Variants in CACNA1H observed in about 807,000 individuals in gnomAD.
The protein encoded by CACNA1H is voltage-dependent T-type calcium channel subunit alpha-1H.
Under a neutral mutation model 192.5 loss-of-function variants are expected in CACNA1H, and 149 were observed. The observed-to-expected ratio is 0.77, with a 90% CI of 0.68 to 0.89. The LOEUF is 0.89. Ranked by LOEUF, CACNA1H falls within the 40% of genes least tolerant of loss-of-function variation. The pLI is 0.00. For missense variants in CACNA1H, 4,257 were observed against 3,423.5 expected, an observed-to-expected ratio of 1.24 and a Z score of -6.08; for synonymous variants, 2,202 against 1,475.2, an observed-to-expected ratio of 1.49 and a Z score of -11.29.
intron 5 of CACNA1H, 110 bp downstream of exon 5, chr16:1,196,133 A>T: frequency 1.2e-6 from 1 of 858,470 alleles, no homozygotes; most frequent in Admixed American, 2.3e-5. Context: ...AATGAAGGTT[A>T]CCAGGCACTC....
At chr16:1,184,136 G>A (rs2151769648) in intron 2 of CACNA1H, among the ~76,000 whole-genome samples, 1 of 152,304 alleles carries the variant, frequency 6.6e-6, no homozygotes, top group South Asian at 2.1e-4. Flanking sequence ...TAGACCCCAG[G>A]GCATCACTCC....
chr16:1,209,062 TG>T lies in CACNA1H; in HGVS notation c.3398del (p.Gly1133AlafsTer211). ...ASLRSSPCAP[W>X]GPSGAWSSRR... Reference sequence around the variant, plus strand: ...CCTCCGAAGTTCTCCCTGTGCCCCCTGGGGCCCCAGTGGCGCCTGGAGCAGC... The same window carrying T: ...CCTCCGAAGTTCTCCCTGTGCCCCCTGGGCCCCAGTGGCGCCTGGAGCAGC... On this transcript the variant is annotated frameshift_variant, in exon 17 of 35. Coordinates refer to ENST00000348261, the MANE Select transcript of CACNA1H (RefSeq NM_021098.3). LOFTEE classifies it high-confidence loss of function. 6.5e-7 allele frequency: 1 copy of T among 1,538,122 alleles called. No individual in the cohort carries two copies.
At chr16:1,219,296 G>T (rs1970292195) in intron 34 of CACNA1H, among the ~76,000 whole-genome samples, 166 bp downstream of exon 34, 1 of 152,202 alleles carries the variant, frequency 6.6e-6, no homozygotes, top group South Asian at 2.1e-4. Flanking sequence ...GGATCTTGGA[G>T]CATTGGGCCC....
chr16:1,155,343 G>C (rs1034940205), intron 2 of CACNA1H, among the ~76,000 whole-genome samples: 1 of 152,190 alleles, frequency 6.6e-6, no homozygotes, highest in African/African-American at 2.4e-5. Context: ...GGGTGTCCCC[G>C]GGAGCCGAGG....
intron 26 of CACNA1H, 102 bp downstream of exon 26, chr16:1,212,630 C>T (rs1969594302): frequency 1.4e-6 from 2 of 1,415,576 alleles, no homozygotes. Flanking sequence ...AGGGTGGGCA[C>T]AGGCAGCCGG....
intron 2 of CACNA1H, among the ~76,000 whole-genome samples, chr16:1,159,329 G>A (rs905455265): frequency 1.3e-5 from 2 of 152,116 alleles, no homozygotes; most frequent in African/African-American, 2.4e-5. Context: ...GGGAGGAGGC[G>A]TTCGGACTGA....
chr16:1,220,623 T>G lies in CACNA1H; in HGVS notation c.6691T>G (p.Ser2231Ala), dbSNP rs1970408907. ...CTGTGAGGCCACGCCTCACAGGGAC[T>G]CCCTGGAGCCCACAGAGGGCTCAGG... ...PSCEATPHRD[S>A]LEPTEGSGAG... is the part of the protein sequence containing the mutation. The change falls in exon 35 of 35, where the codon TCC (serine) becomes GCC (alanine). Residue 2231 changes from serine to alanine, a missense_variant. Physicochemically the swap from Ser to Ala is moderately conservative, Grantham distance 99. Transcript: ENST00000348261. The G allele has an allele frequency of 6.3e-7, 1 of 1,585,282 alleles. No homozygotes were observed.
At chr16:1,171,520 A>G (rs1273552007) in intron 2 of CACNA1H, among the ~76,000 whole-genome samples, 1 of 152,136 alleles carries the variant, frequency 6.6e-6, no homozygotes, top group African/African-American at 2.4e-5. Flanking sequence ...TCGAATGGAG[A>G]TGGGGGTCAG....
chr16:1,200,955 TG>T, intron 8 of CACNA1H, 147 bp downstream of exon 8: 1 of 413,668 alleles, frequency 2.4e-6, no homozygotes, highest in Non-Finnish European at 4.3e-6. Flanking sequence ...CTTGCGGGGG[TG>T]GGGAGGTGTG....
intron 8 of CACNA1H, 57 bp from the exon 9 acceptor site, chr16:1,201,606 G>A (rs1326011456): frequency 6.7e-7 from 1 of 1,501,166 alleles, no homozygotes; most frequent in Admixed American, 2.1e-5. Flanking sequence ...GTAGGGCTCA[G>A]TGGCGAATCA....
intron 8 of CACNA1H, 125 bp from the exon 9 acceptor site, chr16:1,201,538 C>T (rs1364680224): frequency 1.4e-5 from 16 of 1,169,270 alleles, no homozygotes; most frequent in African/African-American, 1.2e-4. Context: ...CTGCCCATAG[C>T]AGGGCACCTC....
At chr16:1,160,440 G>A (rs1397046453) in intron 2 of CACNA1H, among the ~76,000 whole-genome samples, 3 of 152,206 alleles carry the variant, frequency 2.0e-5, no homozygotes, top group Admixed American at 1.3e-4. Flanking sequence ...AGATGGTGGG[G>A]GCGGGGCTCG....
chr16:1,159,926 C>T (rs1379708293), intron 2 of CACNA1H: 1 of 152,264 alleles, frequency 6.6e-6, no homozygotes, highest in East Asian at 1.9e-4. Flanking sequence ...TCACCTCCCC[C>T]AAGGGCTGAG....
In CACNA1H at chr16:1,167,713, G is replaced by A. The variant is rs901030306; in HGVS notation, c.299+13677G>A. Among the ~76,000 whole-genome samples, 2 of 152,214 alleles carry A rather than the reference G, an allele frequency of 1.3e-5. No homozygotes were observed. Among genetic ancestry groups the A allele is most frequent in the Admixed American group, 6.5e-5 (1 of 15,292 alleles). On this transcript the variant is annotated intron_variant, in intron 2 of 34. Coordinates refer to ENST00000348261, the MANE Select transcript of CACNA1H (RefSeq NM_021098.3). This position sits in a 1 kb window ranked among gnomAD's most constrained non-coding sequence, Gnocchi z 4.2. ...GCCGGCTCCTGGCTAGGGACCCCGA[G>A]ACCCCTCCTTTGCTTCCTGAAAGGA...
In CACNA1H at chr16:1,210,862, G is replaced by C. The variant is rs546335260; in HGVS notation, c.4114G>C (p.Val1372Leu). ...SSWNLLDGLL[V>L]LVSLVDIVVA... ...CTGGAACCTGCTGGATGGGCTGCTGGTGCTGGTGTCCCTGGTGGACATTGT... is the reference window on the plus strand; with the variant it reads ...CTGGAACCTGCTGGATGGGCTGCTGCTGCTGGTGTCCCTGGTGGACATTGT... Residue 1372 changes from valine (V) to leucine (L), a missense_variant, in exon 21 of 35, where the codon GTG becomes CTG. Val to Leu is a conservative substitution (Grantham distance 32, BLOSUM62 1). Coordinates refer to ENST00000348261, the MANE Select transcript of CACNA1H (RefSeq NM_021098.3). The C allele has an allele frequency of 1.2e-6, 2 of 1,605,724 alleles. No individual in the cohort carries two copies. Among genetic ancestry groups the C allele is most frequent in the Non-Finnish European group, 1.7e-6 (2 of 1,179,734 alleles).
In CACNA1H at chr16:1,200,721, C is replaced by T; in HGVS notation, c.1125C>T (p.Ile375=). 1.3e-6 allele frequency: 2 copies of T among 1,563,852 alleles called. No individual in the cohort carries two copies. The highest frequency in any genetic ancestry group is 2.4e-5 in the East Asian group (1 of 41,730). ...TCAAGCCACTGCCCCCCCAGGTGAT[C>T]ACGCTGGAAGGCTGGGTGGACATCA... ...GYAWIAIFQV[I]TLEGWVDIMY... The change falls in exon 8 of 35, where the codon ATC becomes ATT. Residue 375 remains isoleucine (I), a synonymous_variant. Coordinates refer to ENST00000348261, the MANE Select transcript of CACNA1H (RefSeq NM_021098.3).
In CACNA1H at chr16:1,215,016, C is replaced by G; in HGVS notation, c.4974C>G (p.Ile1658Met). The G allele has an allele frequency of 6.2e-7, 1 of 1,612,830 alleles. No homozygotes were observed. The highest frequency in any genetic ancestry group is 1.3e-5 in the African/African-American group (1 of 75,036). The change falls in exon 28 of 35, where the codon ATC (isoleucine) becomes ATG (methionine). Residue 1658 changes from isoleucine to methionine, a missense_variant. Physicochemically the swap from Ile to Met is conservative, Grantham distance 10 (BLOSUM62 1). Transcript: ENST00000348261. ...AGTACTGCAACTACGTCTTCACCAT[C>G]GTGTTTGTCTTCGAGGCTGCACTGA... ...ALKYCNYVFT[I>M]VFVFEAALKL... is the part of the protein sequence containing the mutation.
chr16:1,186,717 A>G (rs993252259), intron 2 of CACNA1H, among the ~76,000 whole-genome samples: 12 of 152,042 alleles, frequency 7.9e-5, no homozygotes, highest in Non-Finnish European at 1.3e-4. Flanking sequence ...CGCCTCCTCA[A>G]CGGGTGGCCA....
Position 1,220,361 on chromosome 16 carries a change from C to T in CACNA1H, c.6429C>T (p.Phe2143=), listed in dbSNP as rs565607103. The change falls in exon 35 of 35, where the codon TTC becomes TTT. Residue 2143 remains phenylalanine, a synonymous_variant. Transcript: ENST00000348261. ...TCTACAGCGTGGATGCTCAGGGCTT[C>T]CTGGACAAGCCGGGCCGGGCAGACG... ...RRLYSVDAQG[F]LDKPGRADEQ... is the part of the protein sequence containing the mutation. 2.8e-5 allele frequency: 42 copies of T among 1,525,386 alleles called. No homozygotes were observed. The East Asian group carries it at 5.4e-4, about 20-fold the overall frequency. 94.5% of individuals were successfully genotyped at this position (1,525,386 alleles called of 1,614,324 possible).
Sources: allele counts gnomAD v4.1 joint callset (sites outside exome capture counted in the v4.1 genomes callset), GRCh38; gene constraint gnomAD v4.1.1; non-coding constraint Gnocchi (gnomAD v3.1); transcripts MANE v1.5; gene names NCBI Gene and HGNC (gene_info 2026-07-23, HGNC 2026-07-21).